KANSL1: variants seen among roughly 807,000 people sequenced by gnomAD.
KANSL1 encodes the protein MLL1/MLL complex subunit KANSL1.
KANSL1 carries 22 observed loss-of-function variants against 103.6 expected under a neutral mutation model. That is an observed-to-expected ratio of 0.21 (90% confidence interval 0.15 to 0.30). The LOEUF (loss-of-function observed/expected upper bound fraction) is 0.30. Among genes scored for constraint, KANSL1 ranks in the 10% least tolerant of loss-of-function variants. KANSL1 has a pLI of 1.00. For synonymous variants in KANSL1, 600 were observed against 527.6 expected, an observed-to-expected ratio of 1.14 and a Z score of -1.88; for missense variants, 1,337 against 1,399.8, an observed-to-expected ratio of 0.96 and a Z score of 0.72.
At chr17:46,218,559 G>GGT (rs2048412102) in intron 1 of KANSL1, among the ~76,000 whole-genome samples, 1 of 152,168 alleles carries the variant, frequency 6.6e-6, no homozygotes, top group African/African-American at 2.4e-5. Context: ...AAGGCGGGTG[G>GGT]ATCACTTGAG....
At position 46,039,757 on chromosome 17, in the gene KANSL1, T is replaced by C. The variant is rs1290260748; in HGVS notation, c.2148A>G (p.Pro716=). Residue 716 remains proline (P), a synonymous_variant, in exon 8 of 15, where the codon CCA becomes CCG. Coordinates refer to ENST00000432791, the MANE Select transcript of KANSL1 (RefSeq NM_015443.4). The stretch of plus-strand genomic sequence containing the variant: ...TGTGCCTGTCCTTACGAGCTGAATC[T>C]GGCAGACTGCCCGGCATGGGTGCTC... ...KHRAPMPGSL[P]DSARKDRHKL... is the part of the protein sequence containing the mutation. The C allele has an allele frequency of 1.2e-6, 2 of 1,614,220 alleles. No individual in the cohort carries two copies. The highest frequency in any genetic ancestry group is 2.2e-5 in the South Asian group (2 of 91,090).
rs570331938 is a variant in KANSL1 at position 46,152,334 on chromosome 17, G to A, written c.1289+18521C>T. On this transcript the variant is annotated intron_variant, in intron 2 of 14. Coordinates refer to ENST00000432791, the MANE Select transcript of KANSL1 (RefSeq NM_015443.4). Reference sequence around the variant, plus strand: ...AATAACACCTTTCACTTAAAACAACGTATTTCAGACAAACATTCACTTCTT... The same window carrying A: ...AATAACACCTTTCACTTAAAACAACATATTTCAGACAAACATTCACTTCTT... Among the ~76,000 whole-genome samples the A allele has an allele frequency of 3.3e-5, 5 of 152,098 alleles. No homozygotes were observed. In the East Asian group the frequency reaches 5.8e-4, roughly 18 times the overall value.
intron 2 of KANSL1, among the ~76,000 whole-genome samples, chr17:46,132,751 C>T (rs2043926662): frequency 6.6e-6 from 1 of 152,058 alleles, no homozygotes; most frequent in South Asian, 2.1e-4. Flanking sequence ...AGTTTGAGAC[C>T]ACGTAATATA....
chr17:46,211,517 A>C (rs1372390669), intron 1 of KANSL1, among the ~76,000 whole-genome samples: 1 of 152,278 alleles, frequency 6.6e-6, no homozygotes, highest in Admixed American at 6.5e-5. Flanking sequence ...AGCTTGCTGT[A>C]AATAGAACAT....
At chr17:46,044,391 C>T (rs2077431372) in intron 7 of KANSL1, 1 of 152,226 alleles carries the variant, frequency 6.6e-6, no homozygotes, top group Non-Finnish European at 1.5e-5. Flanking sequence ...TGGCTCCTTA[C>T]TTTCCACCAT....
At chr17:46,118,452 TC>T (rs2043137866) in intron 2 of KANSL1, among the ~76,000 whole-genome samples, 1 of 152,232 alleles carries the variant, frequency 6.6e-6, no homozygotes, top group Non-Finnish European at 1.5e-5. Context: ...TCTAAAGTTA[TC>T]TCAGTTGGAA....
At chr17:46,139,490 G>A (rs1403109300) in intron 2 of KANSL1, among the ~76,000 whole-genome samples, 2 of 152,092 alleles carry the variant, frequency 1.3e-5, no homozygotes, top group Non-Finnish European at 2.9e-5. Flanking sequence ...CCATCTAAAT[G>A]TGCACATGTG....
chr17:46,135,882 T>G (rs1236634284), intron 2 of KANSL1, among the ~76,000 whole-genome samples: 3 of 152,062 alleles, frequency 2.0e-5, no homozygotes, highest in Non-Finnish European at 4.4e-5. Flanking sequence ...CCAAAGAGCA[T>G]GTAGAGCAAA....
chr17:46,062,378 T>TA (rs1555743663), intron 6 of KANSL1, among the ~76,000 whole-genome samples: 5 of 147,156 alleles, frequency 3.4e-5, no homozygotes, highest in East Asian at 4.0e-4. Flanking sequence ...TTTTTTTTTT[T>TA]AGATGGACTC....
At chr17:46,107,396 T>G (rs1226058861) in intron 2 of KANSL1, among the ~76,000 whole-genome samples, 10 of 152,246 alleles carry the variant, frequency 6.6e-5, no homozygotes, top group Non-Finnish European at 1.2e-4. Flanking sequence ...TCCACTGTAC[T>G]AAATCCAATT....
At chr17:46,063,318 C>T (rs996188683) in intron 6 of KANSL1, among the ~76,000 whole-genome samples, 1 of 152,220 alleles carries the variant, frequency 6.6e-6, no homozygotes, top group African/African-American at 2.4e-5. Context: ...CCAATGCAAC[C>T]TGGCTGCCCT....
At position 46,138,766 on chromosome 17, in the gene KANSL1, C is replaced by T. The variant is rs189084234; in HGVS notation, c.1289+32089G>A. Among the ~76,000 whole-genome samples the T allele has an allele frequency of 1.9e-4, 29 of 152,332 alleles. 1 individual carries two copies. Among genetic ancestry groups the T allele is most frequent in the Admixed American group, 1.6e-3 (25 of 15,304 alleles). ...GACAAAGATGAGATAGTATTCCTCA[C>T]CTGATCCAAGGGTCACACCTGACAG... On this transcript the variant is annotated intron_variant, in intron 2 of 14. Transcript: ENST00000432791.
rs367624499 is a variant in KANSL1 at position 46,039,121 on chromosome 17, T to C, written c.2298A>G (p.Pro766=). The change falls in exon 9 of 15, where the codon CCA becomes CCG. Residue 766 remains proline (P), a synonymous_variant. Transcript: ENST00000432791. ...GTGGGTTGAGCAAGCGCTCTGCTTTTGGCGCTGTCACTCGCTCCACCATGG... is the reference window on the plus strand; with the variant it reads ...GTGGGTTGAGCAAGCGCTCTGCTTTCGGCGCTGTCACTCGCTCCACCATGG... ...AVPMVERVTA[P]KAERLLNPPP... 3.6e-5 allele frequency: 58 copies of C among 1,612,560 alleles called. No individual in the cohort carries two copies. The Middle Eastern group carries it at 5.4e-4, about 15-fold the overall frequency.
upstream of KANSL1, chr17:46,196,776 A>G: frequency 4.3e-6 from 1 of 234,048 alleles, no homozygotes; most frequent in Non-Finnish European, 8.5e-6. Flanking sequence ...TGATTACAGT[A>G]TTTTATATAA....
intron 6 of KANSL1, among the ~76,000 whole-genome samples, chr17:46,060,395 C>A (rs1261935882): frequency 1.3e-5 from 2 of 152,128 alleles, no homozygotes; most frequent in Non-Finnish European, 2.9e-5. Flanking sequence ...AACGTGTAAG[C>A]TTCTATTTTA....
upstream of KANSL1, among the ~76,000 whole-genome samples, chr17:46,197,396 A>G (rs1013565250): frequency 6.6e-6 from 1 of 152,200 alleles, no homozygotes; most frequent in Non-Finnish European, 1.5e-5. Context: ...TAATCCCAGC[A>G]CTCTGGAAGG....
At chr17:46,032,968 G>C in intron 13 of KANSL1, 112 bp downstream of exon 13, 1 of 752,188 alleles carries the variant, frequency 1.3e-6, no homozygotes. Flanking sequence ...GCCAGTAGAT[G>C]AGTATGATGA....
intron 1 of KANSL1, chr17:46,215,038 GTTA>G (rs1244355513): frequency 6.6e-6 from 1 of 152,282 alleles, no homozygotes; most frequent in Non-Finnish European, 1.5e-5. Context: ...GTCAGCTACT[GTTA>G]TTACTATTAT....
At chr17:46,180,865 A>ATG (rs1567776061) in intron 1 of KANSL1, among the ~76,000 whole-genome samples, 2 of 152,072 alleles carry the variant, frequency 1.3e-5, no homozygotes, top group African/African-American at 2.4e-5. Flanking sequence ...ATATATATAT[A>ATG]CACACACATA....
Sources: allele counts gnomAD v4.1 joint callset (sites outside exome capture counted in the v4.1 genomes callset), GRCh38; gene constraint gnomAD v4.1.1; transcripts MANE v1.5; gene names NCBI Gene and HGNC (gene_info 2026-07-23, HGNC 2026-07-21).